Variants in RANBP2 observed in about 807,000 individuals in gnomAD.
The protein encoded by RANBP2 is E3 SUMO-protein ligase RanBP2.
In RANBP2, 57 loss-of-function variants were observed where a neutral mutation model predicts 303.6. That is an observed-to-expected ratio of 0.19 (90% confidence interval 0.15 to 0.23). The LOEUF is 0.23. Ranked by LOEUF, RANBP2 falls within the 10% of genes least tolerant of loss-of-function variation. RANBP2 has a pLI of 1.00. For missense variants in RANBP2, 3,138 were observed against 3,780.8 expected (o/e 0.83, Z 4.46); for synonymous variants, 1,167 against 1,301.5 (o/e 0.90, Z 2.23).
chr2:109,399,798 A>G, the RANBP2 span, among the ~76,000 whole-genome samples: 1 of 152,216 alleles, frequency 6.6e-6, no homozygotes, highest in Non-Finnish European at 1.5e-5. Context: ...GGGCTTTCCC[A>G]GTGCCCGGCA....
At chr2:109,681,524 G>A in the RANBP2 span, among the ~76,000 whole-genome samples, 1 of 152,136 alleles carries the variant, frequency 6.6e-6, no homozygotes, top group Non-Finnish European at 1.5e-5. Context: ...AATAGAGGAG[G>A]AAACTTTTAG....
chr2:109,565,947 T>A, the RANBP2 span: 2 of 1,179,452 alleles, frequency 1.7e-6, no homozygotes, highest in South Asian at 1.2e-5. Flanking sequence ...AAGAGAATAA[T>A]TAAATAACAA....
At chr2:109,040,973 G>A in the RANBP2 span, among the ~76,000 whole-genome samples, 16 of 152,110 alleles carry the variant, frequency 1.1e-4, no homozygotes, top group East Asian at 1.9e-4. Context: ...GGAGAATGGC[G>A]TGGACCCAGG....
the RANBP2 span, chr2:109,544,111 A>C: frequency 6.6e-7 from 1 of 1,504,414 alleles, no homozygotes; most frequent in Non-Finnish European, 8.9e-7. Flanking sequence ...AGAGATGCTC[A>C]ACTTGTAGTA....
chr2:108,738,608 T>G (rs1371589996), intron 6 of RANBP2, among the ~76,000 whole-genome samples: 2 of 151,998 alleles, frequency 1.3e-5, no homozygotes, highest in Admixed American at 1.3e-4. Context: ...AGAAGCTCTA[T>G]TGTGTGTTAA....
At chr2:108,873,579 T>C in the RANBP2 span, 8 of 1,593,578 alleles carry the variant, frequency 5.0e-6, no homozygotes, top group South Asian at 1.1e-5. Context: ...ACAGAAACTT[T>C]CCAAAATCAA....
chr2:109,208,563 T>A, the RANBP2 span, among the ~76,000 whole-genome samples: 6 of 152,260 alleles, frequency 3.9e-5, no homozygotes, highest in African/African-American at 1.4e-4. Context: ...CCGACCCACC[T>A]GCAGCAGAGC....
the RANBP2 span, among the ~76,000 whole-genome samples, chr2:109,447,929 G>A: frequency 2.0e-5 from 3 of 152,176 alleles, no homozygotes; most frequent in Admixed American, 6.5e-5. Context: ...CCGGTGCTTC[G>A]ACATGCAGGC....
the RANBP2 span, among the ~76,000 whole-genome samples, chr2:109,766,838 C>G: frequency 1.0e-3 from 150 of 150,206 alleles, 3 homozygotes; most frequent in African/African-American, 3.6e-3. Flanking sequence ...GTGGCAAAAT[C>G]GAGGCCCCGT....
the RANBP2 span, chr2:109,129,520 A>G: frequency 1.3e-6 from 2 of 1,496,338 alleles, no homozygotes; most frequent in Non-Finnish European, 1.8e-6. Context: ...GCCGCGCGAG[A>G]CCGCTGCGGG....
chr2:108,944,182 C>T, the RANBP2 span, among the ~76,000 whole-genome samples: 3 of 152,314 alleles, frequency 2.0e-5, no homozygotes, highest in Admixed American at 6.5e-5. Context: ...GGCACGATCT[C>T]GGCTCACTGC....
chr2:109,243,551 T>G, the RANBP2 span, among the ~76,000 whole-genome samples: 1 of 152,152 alleles, frequency 6.6e-6, no homozygotes, highest in Non-Finnish European at 1.5e-5. Context: ...ATTAACACCA[T>G]GGGAACCTAT....
chr2:109,097,034 G>A, the RANBP2 span, among the ~76,000 whole-genome samples: 183 of 152,174 alleles, frequency 1.2e-3, no homozygotes, highest in African/African-American at 4.0e-3. Context: ...GGCCAGGCAC[G>A]GTGGCTCACG....
At chr2:108,951,409 C>T in the RANBP2 span, among the ~76,000 whole-genome samples, 2 of 152,138 alleles carry the variant, frequency 1.3e-5, no homozygotes, top group Non-Finnish European at 2.9e-5. Flanking sequence ...GGAATTCGAC[C>T]AGAAAGGCCA....
rs1158566056 is a variant in RANBP2, at chr2:108,785,367, A to T, written c.*1466A>T. The T allele has an allele frequency of 6.6e-6, 1 of 152,230 alleles. No individual in the cohort carries two copies. Among genetic ancestry groups the T allele is most frequent in the Non-Finnish European group, 1.5e-5 (1 of 68,024 alleles). The allele number at this position is 152,230 out of a possible 1,614,324, so 9.4% of individuals were successfully genotyped here. On this transcript the variant is annotated 3_prime_UTR_variant, in exon 29 of 29. Transcript: ENST00000283195. ...TACACTAAATATTTCAAATTGGCTT[A>T]TTTGGAAATCTATGTAATATAAACT...
the RANBP2 span, among the ~76,000 whole-genome samples, chr2:108,812,093 A>G: frequency 6.6e-6 from 1 of 152,196 alleles, no homozygotes; most frequent in Non-Finnish European, 1.5e-5. Context: ...AGACATCTCT[A>G]CTTGAAAACT....
the RANBP2 span, among the ~76,000 whole-genome samples, chr2:109,333,362 T>G: frequency 6.6e-6 from 1 of 152,212 alleles, no homozygotes; most frequent in African/African-American, 2.4e-5. Context: ...ATGTATTGGT[T>G]TCAGCATCAG....
At chr2:109,467,546 G>A in the RANBP2 span, among the ~76,000 whole-genome samples, 23 of 152,192 alleles carry the variant, frequency 1.5e-4, no homozygotes, top group Non-Finnish European at 2.6e-4. Context: ...AATGCACATC[G>A]CCCAGATGGT....
At chr2:109,227,594 G>T in the RANBP2 span, among the ~76,000 whole-genome samples, 1 of 152,192 alleles carries the variant, frequency 6.6e-6, no homozygotes, top group Non-Finnish European at 1.5e-5. Context: ...TCTTGGGATT[G>T]TCTGTGTGTG....
Sources: allele counts gnomAD v4.1 joint callset (sites outside exome capture counted in the v4.1 genomes callset), GRCh38; gene constraint gnomAD v4.1.1; transcripts MANE v1.5; gene names NCBI Gene and HGNC (gene_info 2026-07-23, HGNC 2026-07-21).